Variants in HCRTR2 observed in about 807,000 individuals in gnomAD.
The protein encoded by HCRTR2 is hypocretin receptor 2.
Under a neutral mutation model 49.0 loss-of-function variants are expected in HCRTR2, and 22 were observed. The observed-to-expected ratio is 0.45, with a 90% CI of 0.32 to 0.64. The LOEUF (loss-of-function observed/expected upper bound fraction) is 0.64, where lower values mean the gene tolerates loss of function less well. Ranked by LOEUF, HCRTR2 falls within the 30% of genes least tolerant of loss-of-function variation. HCRTR2 has a pLI of 0.04. For synonymous variants in HCRTR2, 236 were observed against 205.3 expected, an observed-to-expected ratio of 1.15 and a Z score of -1.28; for missense variants, 491 against 559.4, an observed-to-expected ratio of 0.88 and a Z score of 1.23.
intron 1 of HCRTR2, among the ~76,000 whole-genome samples, chr6:55,156,707 C>T (rs550788651): frequency 6.6e-6 from 1 of 151,964 alleles, no homozygotes; most frequent in South Asian, 2.1e-4. Context: ...ACACCATGGA[C>T]AAATGGGGTT....
chr6:55,260,800 G>T (rs1025263849), intron 3 of HCRTR2, among the ~76,000 whole-genome samples: 1 of 152,092 alleles, frequency 6.6e-6, no homozygotes, highest in Non-Finnish European at 1.5e-5. Flanking sequence ...ATGCATGATT[G>T]CTCAATAAAT....
intron 1 of HCRTR2, among the ~76,000 whole-genome samples, chr6:55,135,622 T>G (rs1764423357): frequency 6.6e-6 from 1 of 152,150 alleles, no homozygotes; most frequent in African/African-American, 2.4e-5. Context: ...TAAGTAAGCC[T>G]TATAGTACTT....
Position 55,263,823 on chromosome 6 carries a change from GTATA to G in HCRTR2, c.762+4_762+7del, listed in dbSNP as rs768805983. 7.1e-6 allele frequency: 11 copies of G among 1,556,884 alleles called. No homozygotes were observed. The highest frequency in any genetic ancestry group is 9.7e-6 in the Non-Finnish European group (11 of 1,128,700). On this transcript the variant is annotated splice_donor_variant and splice_donor_5th_base_variant and intron_variant, in intron 4 of 6. Coordinates refer to ENST00000370862, the MANE Select transcript of HCRTR2 (RefSeq NM_001384272.1). LOFTEE classifies it high-confidence loss of function. The stretch of plus-strand genomic sequence containing the variant: ...ATTTCGCAAACTCTGGTGTCGACAG[GTATA>G]TAGTTTCAAATATTTTGCGTGCATT...
Position 55,255,350 on chromosome 6 carries a change from T to A in HCRTR2, c.617T>A (p.Leu206His). The change falls in exon 3 of 7, where the codon CTC becomes CAC. Residue 206 changes from leucine to histidine, a missense_variant. Transcript: ENST00000370862. Reference protein sequence around the residue: ...VFPGLANKTTLFTVCDERWGG... With the variant: ...VFPGLANKTTHFTVCDERWGG... ...CCAGGCTTAGCCAATAAAACCACCC[T>A]CTTTACGGTGTGTGATGAGCGCTGG... 2 of 1,614,036 alleles carry A rather than the reference T, an allele frequency of 1.2e-6. No individual in the cohort carries two copies. The highest frequency in any genetic ancestry group is 1.7e-6 in the Non-Finnish European group (2 of 1,179,950).
chr6:55,282,484 A>G lies in HCRTR2; in HGVS notation c.*30A>G, dbSNP rs202124069. 5.1e-6 allele frequency: 6 copies of G among 1,171,494 alleles called. No individual in the cohort carries two copies. The highest frequency in any genetic ancestry group is 7.6e-6 in the Non-Finnish European group (6 of 786,484). 72.6% of individuals were successfully genotyped at this position (1,171,494 alleles called of 1,614,324 possible). Reference sequence around the variant, plus strand: ...TTTATTCATATGACAAGGATACCTGAGTAAAACTATCCTTTTTAAAATCAC... The same window carrying G: ...TTTATTCATATGACAAGGATACCTGGGTAAAACTATCCTTTTTAAAATCAC... On this transcript the variant is annotated 3_prime_UTR_variant, in exon 7 of 7. Coordinates refer to ENST00000370862, the MANE Select transcript of HCRTR2 (RefSeq NM_001384272.1).
chr6:55,184,084 C>T lies in HCRTR2; in HGVS notation c.223+9274C>T, dbSNP rs139084523. Among the ~76,000 whole-genome samples the T allele has an allele frequency of 6.4e-3, 981 of 152,116 alleles. 1 individual carries two copies. Among genetic ancestry groups the T allele is most frequent in the African/African-American group, 0.016 (647 of 41,518 alleles). ...CTGGGACTTCAGACATGCACCATCA[C>T]GAGCAGCTAATTTTTTGAATTCTTA... is the stretch of plus-strand genomic sequence containing the variant. On this transcript the variant is annotated intron_variant, in intron 1 of 6. Coordinates refer to ENST00000370862, the MANE Select transcript of HCRTR2 (RefSeq NM_001384272.1).
chr6:55,236,112 A>C (rs372339948), intron 1 of HCRTR2, among the ~76,000 whole-genome samples: 3 of 152,110 alleles, frequency 2.0e-5, no homozygotes, highest in East Asian at 3.9e-4. Flanking sequence ...CAGCCTTACA[A>C]TACTTATTCT....
At chr6:55,120,369 T>C (rs973367082) in intron 1 of HCRTR2, among the ~76,000 whole-genome samples, 1 of 152,114 alleles carries the variant, frequency 6.6e-6, no homozygotes, top group Non-Finnish European at 1.5e-5. Flanking sequence ...TTCATGATAT[T>C]GATTCTTCCT....
chr6:55,194,303 C>A (rs1765372996), intron 1 of HCRTR2, among the ~76,000 whole-genome samples: 1 of 152,024 alleles, frequency 6.6e-6, no homozygotes, highest in African/African-American at 2.4e-5. Flanking sequence ...AAAAATATTT[C>A]ATGTTGCTAA....
rs577039710 is a variant in HCRTR2, at chr6:55,205,945, C to A, written c.223+31135C>A. On this transcript the variant is annotated intron_variant, in intron 1 of 6. Transcript: ENST00000370862. ...TGCCTATTTCAAAACATCTCATGTA[C>A]CCCATAAATATATACATCTACTATG... Among the ~76,000 whole-genome samples, 9 of 151,726 alleles carry A rather than the reference C, an allele frequency of 5.9e-5. No individual in the cohort carries two copies. The South Asian group carries it at 1.3e-3, about 21-fold the overall frequency.
intron 1 of HCRTR2, among the ~76,000 whole-genome samples, chr6:55,232,972 A>T (rs959382731): frequency 4.6e-5 from 7 of 152,214 alleles, no homozygotes; most frequent in African/African-American, 1.7e-4. Flanking sequence ...ATATTTTTAC[A>T]CAATTCTAGA....
intron 4 of HCRTR2, among the ~76,000 whole-genome samples, chr6:55,268,581 C>A (rs934033011): frequency 9.9e-5 from 15 of 151,868 alleles, no homozygotes; most frequent in African/African-American, 3.4e-4. Context: ...TAAAATTAGA[C>A]AAAATAAATT....
rs573081718 is a variant in HCRTR2, at chr6:55,144,377, A to C, written c.-377-29834A>C. Among the ~76,000 whole-genome samples the C allele has an allele frequency of 9.9e-4, 151 of 151,872 alleles. 2 individuals carry two copies. In the South Asian group the frequency reaches 0.019, roughly 19 times the overall value. ...GTGATCCACCCGCCTTGGCCTCCCA[A>C]AGTACTGGGATCTGTTCTGCCTTTT... On this transcript the variant is annotated intron_variant, in intron 1 of 7. Transcript: ENST00000615358.
At chr6:55,263,183 T>A (rs947686817) in intron 3 of HCRTR2, among the ~76,000 whole-genome samples, 3 of 152,026 alleles carry the variant, frequency 2.0e-5, no homozygotes, top group Non-Finnish European at 4.4e-5. Context: ...TTTTCAAAAT[T>A]TTTTTCACAT....
At chr6:55,241,227 G>T (rs1390258929) in intron 1 of HCRTR2, among the ~76,000 whole-genome samples, 3 of 149,192 alleles carry the variant, frequency 2.0e-5, no homozygotes, top group African/African-American at 7.4e-5. Context: ...GCGGTGTTTG[G>T]TTTTTTGTTC....
intron 1 of HCRTR2, among the ~76,000 whole-genome samples, chr6:55,227,892 A>G (rs944540823): frequency 7.9e-5 from 12 of 152,196 alleles, no homozygotes; most frequent in Non-Finnish European, 1.6e-4. Flanking sequence ...GAGAAATAAG[A>G]TAGGGTATAA....
chr6:55,223,794 A>G (rs1562012667), intron 1 of HCRTR2, among the ~76,000 whole-genome samples: 1 of 152,130 alleles, frequency 6.6e-6, no homozygotes, highest in Non-Finnish European at 1.5e-5. Context: ...AAAAGTAGTT[A>G]TATTTCAGTA....
intron 1 of HCRTR2, among the ~76,000 whole-genome samples, chr6:55,182,790 A>G (rs1037900058): frequency 1.3e-5 from 2 of 152,232 alleles, no homozygotes; most frequent in Admixed American, 1.3e-4. Context: ...ACCTTTGCCA[A>G]AAATTAACAC....
chr6:55,245,469 T>TTATATATATATATATATATATATATA (rs745939954), intron 1 of HCRTR2, among the ~76,000 whole-genome samples: 9 of 56,768 alleles, frequency 1.6e-4, no homozygotes, highest in East Asian at 5.4e-4. Flanking sequence ...TAGGAAGATT[T>TTATATATATATATATATATATATATA]TATATATATA....
Sources: allele counts gnomAD v4.1 joint callset (sites outside exome capture counted in the v4.1 genomes callset), GRCh38; gene constraint gnomAD v4.1.1; transcripts MANE v1.5; gene names NCBI Gene and HGNC (gene_info 2026-07-23, HGNC 2026-07-21).